The following ADAM7 variants were observed in gnomAD, a reference collection of about 807,000 sequenced individuals.
ADAM7 encodes the protein disintegrin and metalloproteinase domain-containing protein 7.
Under a neutral mutation model 102.9 loss-of-function variants are expected in ADAM7, and 97 were observed. The observed-to-expected ratio is 0.94, with a 90% CI of 0.80 to 1.12. ADAM7 has a LOEUF of 1.12. Ranked by LOEUF, ADAM7 falls within the 50% of genes most tolerant of loss-of-function variation. The pLI is 0.00. For missense variants in ADAM7, 991 were observed against 908.7 expected, an observed-to-expected ratio of 1.09 and a Z score of -1.16; for synonymous variants, 334 against 304.4, an observed-to-expected ratio of 1.10 and a Z score of -1.01.
chr8:24,470,187 A>G (rs1397626631), intron 7 of ADAM7, among the ~76,000 whole-genome samples: 1 of 152,176 alleles, frequency 6.6e-6, no homozygotes, highest in Non-Finnish European at 1.5e-5. Flanking sequence ...ATACGTTTTA[A>G]ACAACAGAAG....
chr8:24,486,189 TA>T (rs1430068350), intron 10 of ADAM7, among the ~76,000 whole-genome samples: 3 of 152,202 alleles, frequency 2.0e-5, no homozygotes, highest in Non-Finnish European at 4.4e-5. Context: ...TTAAACTTTA[TA>T]TGAGTAAGAT....
At chr8:24,441,753 T>C (rs1471136810) in intron 1 of ADAM7, among the ~76,000 whole-genome samples, 1 of 152,210 alleles carries the variant, frequency 6.6e-6, no homozygotes, top group Non-Finnish European at 1.5e-5. Context: ...TATACTTAAC[T>C]ACGAAAGGTA....
At chr8:24,459,646 G>A (rs1418018753) in intron 3 of ADAM7, among the ~76,000 whole-genome samples, 1 of 151,986 alleles carries the variant, frequency 6.6e-6, no homozygotes, top group African/African-American at 2.4e-5. Context: ...TTTTTGTAAA[G>A]ATGGGTTTTC....
intron 7 of ADAM7, among the ~76,000 whole-genome samples, chr8:24,472,200 G>C (rs1370634846): frequency 6.7e-6 from 1 of 149,142 alleles, no homozygotes; most frequent in African/African-American, 2.5e-5. Flanking sequence ...GTAAGGTCAA[G>C]AGGAAAAGCT....
Position 24,461,262 on chromosome 8 carries a change from G to T in ADAM7, c.234-2620G>T, listed in dbSNP as rs564705974. Among the ~76,000 whole-genome samples, 71 of 152,140 alleles carry T rather than the reference G, an allele frequency of 4.7e-4. No individual in the cohort carries two copies. In the South Asian group the frequency reaches 0.014, roughly 30 times the overall value. On this transcript the variant is annotated intron_variant, in intron 3 of 21. Transcript: ENST00000175238. ...CCGCCTCAGCCTCCCAAAGTGTTCG[G>T]ATTACAGGCTGAGCCACTACGCCCA...
At chr8:24,505,988 A>C in intron 20 of ADAM7, 1 of 864,980 alleles carries the variant, frequency 1.2e-6, no homozygotes, top group Non-Finnish European at 1.9e-6. Context: ...AGATAGACTC[A>C]TATGTTGTAG....
intron 6 of ADAM7, 79 bp downstream of exon 6, chr8:24,467,067 T>C: frequency 6.7e-6 from 9 of 1,346,426 alleles, no homozygotes; most frequent in Non-Finnish European, 9.4e-6. Flanking sequence ...AAAGTATGAG[T>C]CCAGTTACTG....
At chr8:24,441,793 C>T (rs1356735682) in intron 1 of ADAM7, among the ~76,000 whole-genome samples, 3 of 152,180 alleles carry the variant, frequency 2.0e-5, no homozygotes, top group Admixed American at 1.3e-4. Flanking sequence ...CCCTGGAAGA[C>T]CAAATTCAGT....
rs568790928 is a variant in ADAM7, at chr8:24,456,404, T to G, written c.234-7478T>G. Among the ~76,000 whole-genome samples the G allele has an allele frequency of 3.9e-5, 6 of 152,330 alleles. No homozygotes were observed. The East Asian group carries it at 1.2e-3, about 29-fold the overall frequency. ...TGGACGCCTAGGTTGATTCCATAAT[T>G]TGGCTATTGTGAATAGTGTTGCAAT... On this transcript the variant is annotated intron_variant, in intron 3 of 21. Coordinates refer to ENST00000175238, the MANE Select transcript of ADAM7 (RefSeq NM_003817.4).
intron 3 of ADAM7, among the ~76,000 whole-genome samples, chr8:24,452,841 G>A (rs1438899102): frequency 6.6e-6 from 1 of 151,272 alleles, no homozygotes; most frequent in Admixed American, 6.6e-5. Flanking sequence ...TGTAGGGCAG[G>A]CCTGGTGGTG....
Position 24,482,149 on chromosome 8 carries a change from A to C in ADAM7, c.713A>C (p.Lys238Thr). 1.3e-6 allele frequency: 2 copies of C among 1,578,914 alleles called. No individual in the cohort carries two copies. ...GMVNFVNMIY[K>T]TLNIHVTLVG... The stretch of plus-strand genomic sequence containing the variant: ...GATTTCTTCTTTGAACAGATTTATA[A>C]AACCTTAAACATCCATGTGACGTTG... The change falls in exon 9 of 22, where the codon AAA (lysine) becomes ACA (threonine). Residue 238 changes from lysine to threonine, a missense_variant. Lys to Thr is a moderately conservative substitution (Grantham distance 78, BLOSUM62 -1). Transcript: ENST00000175238.
chr8:24,448,093 C>T (rs550337764), intron 3 of ADAM7, among the ~76,000 whole-genome samples: 1 of 152,180 alleles, frequency 6.6e-6, no homozygotes, highest in South Asian at 2.1e-4. Flanking sequence ...CATATTTTCA[C>T]CTTCTCAGCA....
At chr8:24,443,231 C>T (rs1266025778) in intron 2 of ADAM7, among the ~76,000 whole-genome samples, 1 of 152,112 alleles carries the variant, frequency 6.6e-6, no homozygotes, top group African/African-American at 2.4e-5. Flanking sequence ...AGAATACTGA[C>T]AGGCACGTTG....
chr8:24,443,944 T>TA (rs773027440), intron 2 of ADAM7, among the ~76,000 whole-genome samples: 2 of 17,604 alleles, frequency 1.1e-4, no homozygotes, highest in African/African-American at 6.2e-4. Context: ...AAAATAAAAA[T>TA]AAAATAAAAT....
In ADAM7 at chr8:24,455,959, A is replaced by ATT. The variant is rs530364710; in HGVS notation, c.234-7913_234-7912dup. ...AACATATCTATCACCTCAACTACTT[A>ATT]TTTTTTTTTTTGTGGTGCAAACACT... On this transcript the variant is annotated intron_variant, in intron 3 of 21. Coordinates refer to ENST00000175238, the MANE Select transcript of ADAM7 (RefSeq NM_003817.4). 1.1e-3 allele frequency among the ~76,000 whole-genome samples: 163 copies of ATT among 147,104 alleles called. 1 individual carries two copies. The highest frequency in any genetic ancestry group is 3.8e-3 in the African/African-American group (155 of 40,398).
intron 20 of ADAM7, among the ~76,000 whole-genome samples, chr8:24,505,551 C>T (rs947035127): frequency 3.9e-5 from 6 of 152,018 alleles, no homozygotes; most frequent in African/African-American, 1.5e-4. Context: ...CATCAAAGAC[C>T]AGTCCTCAGC....
chr8:24,490,466 T>C (rs1169837322), intron 12 of ADAM7: 1 of 182,776 alleles, frequency 5.5e-6, no homozygotes, highest in African/African-American at 2.3e-5. Context: ...AGCAGTTGAA[T>C]AGTCTCACAT....
At chr8:24,490,693 C>A in intron 12 of ADAM7, 106 bp from the exon 13 acceptor site, 1 of 1,071,550 alleles carries the variant, frequency 9.3e-7, no homozygotes, top group Non-Finnish European at 1.4e-6. Flanking sequence ...AATCATGCAT[C>A]ACTATTTAAC....
intron 9 of ADAM7, 100 bp from the exon 10 acceptor site, chr8:24,485,177 T>C: frequency 4.7e-6 from 5 of 1,070,546 alleles, no homozygotes; most frequent in Non-Finnish European, 7.0e-6. Flanking sequence ...CATTTTCACA[T>C]GCAAAAGCAT....
Sources: allele counts gnomAD v4.1 joint callset (sites outside exome capture counted in the v4.1 genomes callset), GRCh38; gene constraint gnomAD v4.1.1; transcripts MANE v1.5; gene names NCBI Gene and HGNC (gene_info 2026-07-23, HGNC 2026-07-21).